The following GSK3B variants were observed in gnomAD, a reference collection of about 807,000 sequenced individuals.
GSK3B encodes glycogen synthase kinase-3 beta.
A neutral mutation model predicts 56.4 loss-of-function variants in GSK3B; 15 were observed. The ratio of observed to expected loss-of-function variants is 0.27; its 90% CI spans 0.18 to 0.41. GSK3B has a LOEUF of 0.41. GSK3B is among the 10% of genes least tolerant of loss of function. The pLI is 1.00. For synonymous variants in GSK3B, 181 were observed against 188.9 expected (o/e 0.96, Z 0.34); for missense variants, 300 against 513.4 (o/e 0.58, Z 4.02).
intron 2 of GSK3B, among the ~76,000 whole-genome samples, chr3:119,963,234 A>C (rs1203115055): frequency 6.6e-6 from 1 of 152,216 alleles, no homozygotes; most frequent in African/African-American, 2.4e-5. Context: ...GTGTTCATGG[A>C]TTAAATTAAT....
At chr3:119,861,328 T>C (rs571130102) in intron 9 of GSK3B, among the ~76,000 whole-genome samples, 230 of 152,072 alleles carry the variant, frequency 1.5e-3, no homozygotes, top group Non-Finnish European at 2.7e-3. Flanking sequence ...CTGGCCAACA[T>C]GGCGAAACCC....
At chr3:120,007,140 C>T (rs371442041) in intron 1 of GSK3B, among the ~76,000 whole-genome samples, 5 of 152,194 alleles carry the variant, frequency 3.3e-5, no homozygotes, top group Admixed American at 2.0e-4. Flanking sequence ...AACACCTCTA[C>T]GCAAATAAAC....
intron 2 of GSK3B, among the ~76,000 whole-genome samples, chr3:119,971,674 G>C (rs994036410): frequency 7.3e-5 from 10 of 137,734 alleles, no homozygotes; most frequent in African/African-American, 1.7e-4. Flanking sequence ...TGCAGTGGCG[G>C]GATCTCGGCT....
chr3:120,066,129 T>TA (rs1559898068), intron 1 of GSK3B, among the ~76,000 whole-genome samples: 1 of 152,104 alleles, frequency 6.6e-6, no homozygotes, highest in Non-Finnish European at 1.5e-5. Flanking sequence ...CACAATTTTT[T>TA]AAAAAATCAC....
intron 1 of GSK3B, among the ~76,000 whole-genome samples, chr3:120,031,965 A>G (rs1464204356): frequency 6.6e-6 from 1 of 152,182 alleles, no homozygotes; most frequent in Non-Finnish European, 1.5e-5. Context: ...CTCTGGATTA[A>G]CACTTAATGT....
intron 7 of GSK3B, among the ~76,000 whole-genome samples, chr3:119,886,767 T>C (rs1416156812): frequency 1.3e-5 from 2 of 152,088 alleles, no homozygotes; most frequent in Non-Finnish European, 2.9e-5. Context: ...ACTGCAAGAA[T>C]AGAAAAGCAA....
intron 2 of GSK3B, among the ~76,000 whole-genome samples, chr3:119,989,765 T>C (rs560971319): frequency 2.0e-5 from 3 of 152,216 alleles, no homozygotes; most frequent in Admixed American, 1.3e-4. Context: ...TCTAATAATA[T>C]GCCTGGGACT....
intron 4 of GSK3B, among the ~76,000 whole-genome samples, chr3:119,919,006 T>C (rs954315817): frequency 6.6e-6 from 1 of 152,208 alleles, no homozygotes; most frequent in Non-Finnish European, 1.5e-5. Context: ...CTCTCTTGTG[T>C]GATCAGACCC....
intron 2 of GSK3B, among the ~76,000 whole-genome samples, chr3:119,978,579 G>A (rs962765040): frequency 3.9e-5 from 6 of 152,168 alleles, no homozygotes; most frequent in Admixed American, 1.3e-4. Context: ...GTGGGCAACA[G>A]CAGCTCATCT....
At chr3:119,874,106 T>A (rs2056279641) in intron 8 of GSK3B, among the ~76,000 whole-genome samples, 1 of 152,184 alleles carries the variant, frequency 6.6e-6, no homozygotes, top group Non-Finnish European at 1.5e-5. Flanking sequence ...TAGCTGCATT[T>A]TAATTATAAT....
intron 1 of GSK3B, among the ~76,000 whole-genome samples, chr3:120,016,512 C>T (rs115319244): frequency 0.015 from 2,294 of 152,296 alleles, 57 homozygotes; most frequent in African/African-American, 0.051. Flanking sequence ...TGTCCTACTA[C>T]ATTACTTTGC....
At chr3:120,009,175 C>T (rs1340119020) in intron 1 of GSK3B, among the ~76,000 whole-genome samples, 1 of 152,114 alleles carries the variant, frequency 6.6e-6, no homozygotes, top group Non-Finnish European at 1.5e-5. Context: ...ATTAAAAAGT[C>T]AGGAAACAAC....
rs556855605 is a variant in GSK3B, at chr3:120,094,384, G to GGGCGGCGGCGGC, written c.-962_-951dup. ...CCTTCCTTCCTTTGTCACTTGGCCCGGGCGGCGGCGGCGGCGGCGGCGGCA... is the reference window on the plus strand; with the variant it reads ...CCTTCCTTCCTTTGTCACTTGGCCCGGGCGGCGGCGGCGGCGGCGGCGGCGGCGGCGGCGGCA... On this transcript the variant is annotated 5_prime_UTR_variant, in exon 1 of 11. Coordinates refer to ENST00000264235, the MANE Select transcript of GSK3B (RefSeq NM_001146156.2). 3.0e-4 allele frequency: 92 copies of GGGCGGCGGCGGC among 311,100 alleles called. 1 individual carries two copies. Among genetic ancestry groups the GGGCGGCGGCGGC allele is most frequent in the African/African-American group, 1.1e-3 (50 of 45,420 alleles). 19.3% of individuals were successfully genotyped at this position (311,100 alleles called of 1,614,324 possible).
intron 2 of GSK3B, among the ~76,000 whole-genome samples, chr3:119,970,702 G>A (rs1173921648): frequency 2.0e-5 from 3 of 151,522 alleles, no homozygotes; most frequent in South Asian, 2.1e-4. Flanking sequence ...CAGGAGAATC[G>A]CTTGAATCTG....
At chr3:120,070,399 A>G (rs866545108) in intron 1 of GSK3B, among the ~76,000 whole-genome samples, 4 of 152,328 alleles carry the variant, frequency 2.6e-5, no homozygotes, top group Middle Eastern at 6.8e-3. Context: ...AGCATCTTAC[A>G]TGCATAATTA....
rs71156781 is a variant in GSK3B, at chr3:120,000,918, C to CTTTTTTTTTTTTTTTTT, written c.282+1111_282+1127dup. Among the ~76,000 whole-genome samples, 5 of 91,050 alleles carry CTTTTTTTTTTTTTTTTT rather than the reference C, an allele frequency of 5.5e-5. 1 individual carries two copies. Among genetic ancestry groups the CTTTTTTTTTTTTTTTTT allele is most frequent in the African/African-American group, 2.1e-4 (5 of 23,304 alleles). The allele number at this position is 91,050 out of a possible 152,430, so 59.7% of individuals were successfully genotyped here. On this transcript the variant is annotated intron_variant, in intron 2 of 10. Transcript: ENST00000264235. ...AAACCTCATGTTGAAATGTAATCTCCTTTTTTTTTTTTTTTTTTTTTTTTG... is the reference window on the plus strand; with the variant it reads ...AAACCTCATGTTGAAATGTAATCTCCTTTTTTTTTTTTTTTTTTTTTTTTTTTTTTTTTTTTTTTTTG...
intron 1 of GSK3B, among the ~76,000 whole-genome samples, chr3:120,073,241 A>G (rs574785606): frequency 4.0e-5 from 6 of 150,184 alleles, no homozygotes; most frequent in African/African-American, 1.5e-4. Flanking sequence ...AAAAAAAAAA[A>G]AGCCTGGCAT....
chr3:119,976,852 G>A (rs1237282025), intron 2 of GSK3B, among the ~76,000 whole-genome samples: 1 of 150,110 alleles, frequency 6.7e-6, no homozygotes, highest in African/African-American at 2.4e-5. Flanking sequence ...ACTGCTTTTG[G>A]CCTTACCTCA....
intron 10 of GSK3B, among the ~76,000 whole-genome samples, chr3:119,832,711 T>A (rs1393665117): frequency 6.6e-6 from 1 of 152,252 alleles, no homozygotes. Flanking sequence ...TATGGCTTTG[T>A]ACCAGATGCT....
Sources: gnomAD v4.1 joint callset for allele counts (sites outside exome capture counted in the v4.1 genomes callset) on GRCh38, gnomAD v4.1.1 for gene constraint, MANE v1.5 for transcripts, NCBI Gene and HGNC (gene_info 2026-07-23, HGNC 2026-07-21) for gene names.